TSPAN15: variants seen among roughly 807,000 people sequenced by gnomAD.
TSPAN15 encodes the protein tetraspanin-15.
In TSPAN15, 20 loss-of-function variants were observed where a neutral mutation model predicts 34.5. The ratio of observed to expected loss-of-function variants is 0.58; its 90% CI spans 0.41 to 0.84. The LOEUF (loss-of-function observed/expected upper bound fraction) is 0.84, where lower values mean the gene tolerates loss of function less well. TSPAN15 is among the 40% of genes least tolerant of loss of function. The pLI, the probability that TSPAN15 is intolerant of heterozygous loss-of-function variation, is 0.00. For synonymous variants in TSPAN15, 155 were observed against 153.9 expected, an observed-to-expected ratio of 1.01 and a Z score of -0.05; for missense variants, 313 against 386.1, an observed-to-expected ratio of 0.81 and a Z score of 1.59.
chr10:69,530,779 A>ACTCTCTCTCTCT, the TSPAN15 span, among the ~76,000 whole-genome samples: 7 of 50,026 alleles, frequency 1.4e-4, no homozygotes, highest in East Asian at 1.2e-3. Context: ...ACAGAGTGAG[A>ACTCTCTCTCTCT]CTCTCTCTCT....
the TSPAN15 span, among the ~76,000 whole-genome samples, chr10:69,544,194 T>C: frequency 6.6e-6 from 1 of 152,230 alleles, no homozygotes; most frequent in Admixed American, 6.5e-5. Context: ...TTTTTACCTT[T>C]GTTGCATCCA....
At chr10:69,478,610 T>A (rs893298996) in intron 1 of TSPAN15, among the ~76,000 whole-genome samples, 1 of 152,132 alleles carries the variant, frequency 6.6e-6, no homozygotes, top group African/African-American at 2.4e-5. Context: ...GGGTTCTTTT[T>A]TTGTGCCAGG....
At chr10:69,464,332 G>C (rs1841335170) in intron 1 of TSPAN15, among the ~76,000 whole-genome samples, 1 of 152,084 alleles carries the variant, frequency 6.6e-6, no homozygotes, top group East Asian at 1.9e-4. Context: ...AGGGCCCTGA[G>C]AACCACCTTC....
intron 1 of TSPAN15, among the ~76,000 whole-genome samples, chr10:69,464,569 G>A (rs570599035): frequency 2.6e-5 from 4 of 152,062 alleles, no homozygotes; most frequent in East Asian, 1.9e-4. Flanking sequence ...AGGACTTGCC[G>A]GCTGTGAAAA....
the TSPAN15 span, among the ~76,000 whole-genome samples, chr10:69,538,413 T>G: frequency 6.6e-6 from 1 of 152,152 alleles, no homozygotes; most frequent in Non-Finnish European, 1.5e-5. Flanking sequence ...GCAGGAGGTT[T>G]GTTTGAAGAT....
At chr10:69,469,330 C>A (rs34947685) in intron 1 of TSPAN15, among the ~76,000 whole-genome samples, 58,596 of 151,996 alleles carry the variant, frequency 0.39, 11,992 homozygotes, top group Non-Finnish European at 0.45. Flanking sequence ...ATATAAGTAA[C>A]CCTGAGTTCT....
chr10:69,482,965 ATTTTTT>A (rs201958040), intron 1 of TSPAN15, among the ~76,000 whole-genome samples: 2 of 151,030 alleles, frequency 1.3e-5, no homozygotes, highest in South Asian at 2.1e-4. Flanking sequence ...GGCAGGGTTG[ATTTTTT>A]TTTTTTGTTG....
At chr10:69,485,039 T>C in intron 2 of TSPAN15, 102 bp from the exon 3 acceptor site, 1 of 1,127,744 alleles carries the variant, frequency 8.9e-7, no homozygotes, top group East Asian at 2.4e-5. Context: ...CCCCGAGGGA[T>C]GCTTCTCTTT....
the TSPAN15 span, among the ~76,000 whole-genome samples, chr10:69,537,226 A>G: frequency 6.6e-5 from 10 of 152,146 alleles, no homozygotes; most frequent in Non-Finnish European, 1.0e-4. Context: ...CACCCTCATG[A>G]CCATGTGGCT....
intron 1 of TSPAN15, among the ~76,000 whole-genome samples, chr10:69,458,515 C>T (rs1396683038): frequency 6.6e-6 from 1 of 152,156 alleles, no homozygotes; most frequent in African/African-American, 2.4e-5. Context: ...TTTTCTGGCT[C>T]TAGGTAAGCA....
chr10:69,548,976 CT>C, the TSPAN15 span, among the ~76,000 whole-genome samples: 1 of 105,726 alleles, frequency 9.5e-6, no homozygotes, highest in South Asian at 3.2e-4. Flanking sequence ...TTTTTAAGAG[CT>C]TAAAAACAAG....
At chr10:69,462,723 C>T (rs749172090) in intron 1 of TSPAN15, among the ~76,000 whole-genome samples, 24 of 152,196 alleles carry the variant, frequency 1.6e-4, no homozygotes, top group Non-Finnish European at 2.9e-4. Flanking sequence ...TAAGGGAATT[C>T]TGATGGTACT....
At chr10:69,521,008 T>C in the TSPAN15 span, among the ~76,000 whole-genome samples, 3 of 151,684 alleles carry the variant, frequency 2.0e-5, no homozygotes, top group African/African-American at 4.8e-5. Flanking sequence ...TTTTTTTTTT[T>C]TGGACAATAG....
chr10:69,526,449 A>G, the TSPAN15 span, among the ~76,000 whole-genome samples: 1 of 148,360 alleles, frequency 6.7e-6, no homozygotes, highest in Non-Finnish European at 1.5e-5. Context: ...AGAAATGCAA[A>G]TTAAAACTAC....
At chr10:69,493,495 CAG>C (rs1349362910) in intron 3 of TSPAN15, among the ~76,000 whole-genome samples, 1 of 117,944 alleles carries the variant, frequency 8.5e-6, no homozygotes, top group Non-Finnish European at 1.7e-5. Context: ...TTTTTTGAGA[CAG>C]AGTCTTGCTC....
intron 1 of TSPAN15, among the ~76,000 whole-genome samples, chr10:69,455,620 CT>C (rs1564595646): frequency 7.5e-5 from 8 of 105,966 alleles, no homozygotes; most frequent in Non-Finnish European, 1.2e-4. Flanking sequence ...CTCTCTCTCT[CT>C]CTCTCCCCCC....
At chr10:69,463,867 A>G (rs1841324357) in intron 1 of TSPAN15, among the ~76,000 whole-genome samples, 1 of 152,148 alleles carries the variant, frequency 6.6e-6, no homozygotes, top group Non-Finnish European at 1.5e-5. Context: ...CTGTGAATGT[A>G]ACCTTATTTG....
intron 6 of TSPAN15, among the ~76,000 whole-genome samples, chr10:69,505,562 A>G (rs1353443334): frequency 6.6e-6 from 1 of 151,130 alleles, no homozygotes; most frequent in Non-Finnish European, 1.5e-5. Context: ...ACCAATGCAG[A>G]AATGCTTTTT....
intron 3 of TSPAN15, among the ~76,000 whole-genome samples, chr10:69,491,438 A>G (rs1422727315): frequency 6.6e-6 from 1 of 152,156 alleles, no homozygotes; most frequent in African/African-American, 2.4e-5. Context: ...ATCACAGCTC[A>G]TTGCAGCCTC....
Sources: gnomAD v4.1 joint callset for allele counts (sites outside exome capture counted in the v4.1 genomes callset) on GRCh38, gnomAD v4.1.1 for gene constraint, MANE v1.5 for transcripts, NCBI Gene and HGNC (gene_info 2026-07-23, HGNC 2026-07-21) for gene names.